The following PBX4 variants were observed in gnomAD, a reference collection of about 807,000 sequenced individuals.
PBX4 encodes the protein PBX homeobox 4.
Under a neutral mutation model 35.1 loss-of-function variants are expected in PBX4, and 26 were observed. That is an observed-to-expected ratio of 0.74 (90% CI 0.54 to 1.03). PBX4 has a LOEUF of 1.03. Ranked by LOEUF, PBX4 falls within the 50% of genes least tolerant of loss-of-function variation. The pLI is 0.00. For synonymous variants in PBX4, 199 were observed against 204.2 expected (o/e 0.97, Z 0.22); for missense variants, 448 against 504.3 (o/e 0.89, Z 1.07).
At chr19:19,587,402 A>G (rs1405029194) in intron 2 of PBX4, among the ~76,000 whole-genome samples, 2 of 151,288 alleles carry the variant, frequency 1.3e-5, no homozygotes, top group Admixed American at 6.7e-5. Context: ...AGCCTGGCCA[A>G]CGTGGTGAAA....
chr19:19,563,726 G>C lies in PBX4; in HGVS notation c.926-111C>G. ...CGAATGTGGCTCCTGCCCCTCCTCA[G>C]CATCCGGCCTCTGCTCCTCAGCCCC... On this transcript the variant is annotated intron_variant, in intron 6 of 7. Transcript: ENST00000251203. The surrounding 1 kb of genome is among the most constrained non-coding windows in gnomAD (Gnocchi z 5.1). 1 of 902,228 alleles carries C rather than the reference G, an allele frequency of 1.1e-6. No homozygotes were observed. Among genetic ancestry groups the C allele is most frequent in the Non-Finnish European group, 1.8e-6 (1 of 561,914 alleles). The allele number at this position is 902,228 out of a possible 1,614,324, so 55.9% of individuals were successfully genotyped here. A position where few individuals can be genotyped will look rare whatever the true frequency, so the allele number is the denominator to read the frequency against.
chr19:19,599,091 C>T (rs2061579531), intron 2 of PBX4, among the ~76,000 whole-genome samples: 1 of 152,048 alleles, frequency 6.6e-6, no homozygotes, highest in Non-Finnish European at 1.5e-5. Flanking sequence ...ACCTTAGCCC[C>T]CCGAGTAGCT....
Position 19,563,481 on chromosome 19 carries a change from GC to G in PBX4, c.1032+27del, listed in dbSNP as rs1227751665. The G allele has an allele frequency of 6.7e-7, 1 of 1,489,302 alleles. No individual in the cohort carries two copies. The highest frequency in any genetic ancestry group is 9.1e-7 in the Non-Finnish European group (1 of 1,100,552). 92.3% of individuals were successfully genotyped at this position (1,489,302 alleles called of 1,614,324 possible). On this transcript the variant is annotated intron_variant, in intron 7 of 7. Transcript: ENST00000251203. The surrounding 1 kb of genome is among the most constrained non-coding windows in gnomAD (Gnocchi z 5.1). ...TTCTGAGAACCTACCACCCACCTGG[GC>G]GCTGTGGGACAGTGCCTGAGACTCA...
chr19:19,585,768 G>A (rs13344414), intron 2 of PBX4, among the ~76,000 whole-genome samples: 1,927 of 152,034 alleles, frequency 0.013, 45 homozygotes, highest in African/African-American at 0.044. Flanking sequence ...CCACCCTTGA[G>A]AATGTACTTT....
At chr19:19,615,834 G>A (rs752819437) in intron 1 of PBX4, among the ~76,000 whole-genome samples, 1 of 152,154 alleles carries the variant, frequency 6.6e-6, no homozygotes, top group Middle Eastern at 3.2e-3. Context: ...AGGTTGCAGT[G>A]AGCCGAGATA....
intron 5 of PBX4, among the ~76,000 whole-genome samples, chr19:19,568,316 A>G (rs1600395792): frequency 1.5e-5 from 2 of 134,530 alleles, no homozygotes; most frequent in East Asian, 2.4e-4. Context: ...CTCACACTCT[A>G]TCAGTATCCC....
chr19:19,588,159 T>G lies in PBX4; in HGVS notation c.193+11133A>C, dbSNP rs191204120. On this transcript the variant is annotated intron_variant, in intron 2 of 7. Coordinates refer to ENST00000251203, the MANE Select transcript of PBX4 (RefSeq NM_025245.3). ...TTAGAGCTCCCCAAATAGACAATCTTCAGGCAGCCATCCCTATTCTTCTCC... is the reference window on the plus strand; with the variant it reads ...TTAGAGCTCCCCAAATAGACAATCTGCAGGCAGCCATCCCTATTCTTCTCC... The G allele has an allele frequency of 4.6e-4, 547 of 1,195,206 alleles. 2 individuals are homozygous for G. The African/African-American group carries it at 7.5e-3, about 16-fold the overall frequency. The allele number at this position is 1,195,206 out of a possible 1,614,324, so 74.0% of individuals were successfully genotyped here. A position where few individuals can be genotyped will look rare whatever the true frequency, so the allele number is the denominator to read the frequency against.
chr19:19,610,129 A>G (rs1213481702), intron 1 of PBX4, among the ~76,000 whole-genome samples: 3 of 152,156 alleles, frequency 2.0e-5, no homozygotes, highest in Non-Finnish European at 2.9e-5. Context: ...AACTAACACA[A>G]TTTGCCAGGC....
chr19:19,571,677 C>T (rs1362484227), intron 2 of PBX4, among the ~76,000 whole-genome samples: 2 of 152,194 alleles, frequency 1.3e-5, no homozygotes, highest in African/African-American at 2.4e-5. Context: ...CAGCCAATGG[C>T]ATCGCATTCT....
intron 5 of PBX4, among the ~76,000 whole-genome samples, chr19:19,568,515 A>G (rs1171963065): frequency 7.3e-6 from 1 of 137,076 alleles, no homozygotes; most frequent in Non-Finnish European, 1.5e-5. Flanking sequence ...AGGAGCTCAC[A>G]CTCCATCTGT....
At chr19:19,575,794 G>A (rs117383511) in intron 2 of PBX4, among the ~76,000 whole-genome samples, 215 of 152,284 alleles carry the variant, frequency 1.4e-3, no homozygotes, top group Non-Finnish European at 2.7e-3. Flanking sequence ...AAGCACAGAT[G>A]TCCCACGTGC....
rs2061324170 is a variant in PBX4 at position 19,563,842 on chromosome 19, C to T, written c.926-227G>A. ...TTTTTCTTTTTAAGACAGTCTCGCT[C>T]TGTCACCCAGGCTTGAGTGCAGTGG... On this transcript the variant is annotated intron_variant, in intron 6 of 7. Coordinates refer to ENST00000251203, the MANE Select transcript of PBX4 (RefSeq NM_025245.3). This position sits in a 1 kb window ranked among gnomAD's most constrained non-coding sequence, Gnocchi z 5.1. 2 of 429,216 alleles carry T rather than the reference C, an allele frequency of 4.7e-6. No homozygotes were observed. Among genetic ancestry groups the T allele is most frequent in the Non-Finnish European group, 8.7e-6 (2 of 229,534 alleles). The allele number at this position is 429,216 out of a possible 1,614,324, so 26.6% of individuals were successfully genotyped here.
At chr19:19,587,562 T>C (rs2061497939) in intron 2 of PBX4, among the ~76,000 whole-genome samples, 1 of 136,046 alleles carries the variant, frequency 7.4e-6, no homozygotes. Context: ...CACTCCAGCC[T>C]GGGTGACAGA....
intron 1 of PBX4, among the ~76,000 whole-genome samples, chr19:19,616,303 T>C (rs2061688547): frequency 6.6e-6 from 1 of 152,168 alleles, no homozygotes; most frequent in Admixed American, 6.6e-5. Context: ...GAACTCCCTA[T>C]TGATTGTTAT....
intron 2 of PBX4, among the ~76,000 whole-genome samples, chr19:19,572,434 G>A (rs1380927037): frequency 5.9e-5 from 9 of 152,040 alleles, no homozygotes; most frequent in East Asian, 1.9e-4. Context: ...TGACAATTCC[G>A]TTTGATTATA....
chr19:19,562,734 C>T lies in PBX4; in HGVS notation c.1033-617G>A, dbSNP rs1021670025. The stretch of plus-strand genomic sequence containing the variant: ...GGGAGCAGCTCAGACGGGTGCACCA[C>T]CTGGGGGCACTCTGCTCTGAACTGG... On this transcript the variant is annotated intron_variant, in intron 7 of 7. Coordinates refer to ENST00000251203, the MANE Select transcript of PBX4 (RefSeq NM_025245.3). This position sits in a 1 kb window ranked among gnomAD's most constrained non-coding sequence, Gnocchi z 4.8. Among the ~76,000 whole-genome samples, 12 of 152,174 alleles carry T rather than the reference C, an allele frequency of 7.9e-5. No homozygotes were observed. The highest frequency in any genetic ancestry group is 2.4e-4 in the African/African-American group (10 of 41,444).
At chr19:19,575,852 C>T (rs1462357945) in intron 2 of PBX4, among the ~76,000 whole-genome samples, 2 of 152,154 alleles carry the variant, frequency 1.3e-5, no homozygotes, top group African/African-American at 4.8e-5. Context: ...ATGGAGGTCG[C>T]GGCCAGGTGT....
chr19:19,588,095 C>G, intron 2 of PBX4: 1 of 914,414 alleles, frequency 1.1e-6, no homozygotes. Flanking sequence ...CCAATCACCT[C>G]TTCTTGAAGC....
intron 2 of PBX4, among the ~76,000 whole-genome samples, chr19:19,581,300 C>T (rs537483824): frequency 1.3e-4 from 20 of 152,160 alleles, no homozygotes; most frequent in African/African-American, 4.8e-4. Context: ...CTGGGGTGGC[C>T]AAAACCGTGC....
Sources: gnomAD v4.1 joint callset for allele counts (sites outside exome capture counted in the v4.1 genomes callset) on GRCh38, gnomAD v4.1.1 for gene constraint, Gnocchi (gnomAD v3.1) non-coding constraint, MANE v1.5 for transcripts, NCBI Gene and HGNC (gene_info 2026-07-23, HGNC 2026-07-21) for gene names.